DNAJC5G: variants seen among roughly 807,000 people sequenced by gnomAD.
DNAJC5G encodes DnaJ heat shock protein family (Hsp40) member C5 gamma, also known as dnaJ homolog subfamily C member 5G.
In DNAJC5G, 13 loss-of-function variants were observed where a neutral mutation model predicts 19.1. The ratio of observed to expected loss-of-function variants is 0.68; its 90% CI spans 0.44 to 1.08. DNAJC5G has a LOEUF of 1.08. Ranked by LOEUF, DNAJC5G falls within the 50% of genes least tolerant of loss-of-function variation. DNAJC5G has a pLI of 0.00. For missense variants in DNAJC5G, 245 were observed against 230.4 expected (o/e 1.06, Z -0.41); for synonymous variants, 81 against 84.4 (o/e 0.96, Z 0.22).
At chr2:27,278,083 G>C in intron 4 of DNAJC5G, 68 bp downstream of exon 4, 2 of 1,606,834 alleles carry the variant, frequency 1.2e-6, no homozygotes, top group South Asian at 1.1e-5. Context: ...TATGACAAAT[G>C]CTTCTGTTGT....
intron 3 of DNAJC5G, among the ~76,000 whole-genome samples, chr2:27,277,275 T>C (rs1678140285): frequency 7.4e-6 from 1 of 135,908 alleles, no homozygotes; most frequent in Non-Finnish European, 1.6e-5. Flanking sequence ...TGTTTGTTTG[T>C]TTGTTTTGAG....
chr2:27,279,931 A>G (rs1340172151), intron 5 of DNAJC5G, among the ~76,000 whole-genome samples: 3 of 151,716 alleles, frequency 2.0e-5, no homozygotes, highest in Admixed American at 6.6e-5. Flanking sequence ...TCAAAAAAGA[A>G]GAAGAAGAAG....
At chr2:27,278,703 A>G (rs1157106278) in intron 5 of DNAJC5G, among the ~76,000 whole-genome samples, 1 of 146,996 alleles carries the variant, frequency 6.8e-6, no homozygotes, top group African/African-American at 2.5e-5. Flanking sequence ...AAAAAAAAAA[A>G]AAAAAGAAAA....
chr2:27,279,656 A>C (rs1204281687), intron 5 of DNAJC5G, among the ~76,000 whole-genome samples: 1 of 151,896 alleles, frequency 6.6e-6, no homozygotes, highest in African/African-American at 2.4e-5. Context: ...TTGTGCCTGT[A>C]ATCCCAGCAC....
At chr2:27,279,763 A>T (rs974891393) in intron 5 of DNAJC5G, among the ~76,000 whole-genome samples, 1 of 151,916 alleles carries the variant, frequency 6.6e-6, no homozygotes, top group African/African-American at 2.4e-5. Context: ...AAAAAAAAAA[A>T]AATACAGAAG....
intron 2 of DNAJC5G, 66 bp from the exon 3 acceptor site, chr2:27,276,660 G>A (rs1678094477): frequency 1.4e-6 from 2 of 1,443,210 alleles, no homozygotes; most frequent in East Asian, 2.3e-5. Context: ...CCTGTCACTG[G>A]AAGTGCACTT....
At position 27,278,228 on chromosome 2, in the gene DNAJC5G, T is replaced by G. The variant is rs189933923; in HGVS notation, c.416T>G (p.Phe139Cys). Residue 139 changes from phenylalanine (F) to cysteine (C), a missense_variant, in exon 5 of 7, where the codon TTC (phenylalanine) becomes TGC (cysteine). Phe to Cys is a radical substitution (Grantham distance 205). Transcript: ENST00000296097. ...ILCTLLTCCCFCCCCCFCCGA... is the reference protein window; with the variant it reads ...ILCTLLTCCCCCCCCCFCCGA... ...TGTACTCTGCTCACTTGTTGCTGTT[T>G]CTGTTGTTGCTGCTGTTTTTGCTGT... is the stretch of plus-strand genomic sequence containing the variant. 3 of 1,614,210 alleles carry G rather than the reference T, an allele frequency of 1.9e-6. No homozygotes were observed. The highest frequency in any genetic ancestry group is 4.5e-5 in the East Asian group (2 of 44,890).
At chr2:27,280,304 T>C in intron 6 of DNAJC5G, 71 bp downstream of exon 6, 2 of 1,304,994 alleles carry the variant, frequency 1.5e-6, no homozygotes, top group Non-Finnish European at 2.2e-6. Flanking sequence ...GATGAGTCAT[T>C]AGTAGAAAGT....
intron 1 of DNAJC5G, 128 bp downstream of exon 1, chr2:27,275,681 G>C (rs1677998826): frequency 1.2e-5 from 2 of 164,876 alleles, no homozygotes; most frequent in African/African-American, 2.4e-5. Context: ...CTGCTCTCTG[G>C]GGTTCCGCTG....
rs1558576132 is a variant in DNAJC5G at position 27,278,191 on chromosome 2, C to G, written c.379C>G (p.Leu127Val). The G allele has an allele frequency of 6.2e-7, 1 of 1,614,052 alleles. No individual in the cohort carries two copies. The highest frequency in any genetic ancestry group is 8.5e-7 in the Non-Finnish European group (1 of 1,180,048). ...FILNSCWFKT[L>V]VILCTLLTCC... ...GCCATTCTCGCCTACCTTTTAGACA[C>G]TTGTCATCCTGTGTACTCTGCTCAC... Residue 127 changes from leucine (L) to valine (V), a missense_variant, in exon 5 of 7, where the codon CTT (leucine) becomes GTT (valine). Physicochemically the swap from Leu to Val is conservative, Grantham distance 32. Coordinates refer to ENST00000296097, the MANE Select transcript of DNAJC5G (RefSeq NM_173650.3).
Position 27,280,124 on chromosome 2 carries a change from TA to T in DNAJC5G, c.521-39del, listed in dbSNP as rs1558577805. The stretch of plus-strand genomic sequence containing the variant: ...TCATCAGTACACTACGAAAAGTTAC[TA>T]AACGTTTGTATATGTAAACATATAT... On this transcript the variant is annotated intron_variant, in intron 5 of 6. Transcript: ENST00000296097. 1.9e-6 allele frequency: 3 copies of T among 1,594,692 alleles called. No homozygotes were observed. In the South Asian group the frequency reaches 3.3e-5, roughly 18 times the overall value.
At chr2:27,276,633 C>G in intron 2 of DNAJC5G, 93 bp from the exon 3 acceptor site, 1 of 1,087,208 alleles carries the variant, frequency 9.2e-7, no homozygotes, top group Middle Eastern at 2.9e-4. Context: ...TGCCTAATCC[C>G]TGAAGGTAGT....
intron 5 of DNAJC5G, among the ~76,000 whole-genome samples, chr2:27,279,099 C>A (rs1346376412): frequency 6.6e-6 from 1 of 151,296 alleles, no homozygotes; most frequent in African/African-American, 2.4e-5. Flanking sequence ...AATTTCAAGT[C>A]TTCAAGTCTG....
chr2:27,280,104 A>G (rs990901430), intron 5 of DNAJC5G, 62 bp from the exon 6 acceptor site: 24 of 1,522,604 alleles, frequency 1.6e-5, no homozygotes, highest in African/African-American at 2.7e-5. Flanking sequence ...TTTTCTCATC[A>G]GTACACTACG....
rs773838662 is a variant in DNAJC5G, at chr2:27,280,209, T to TAA, written c.564_565insAA (p.Phe189AsnfsTer5). ...GAAGCGAGGAAAATAGCGAAGATGA[T>TAA]TTTTAAGAGATGAAGAAGGATGAGG... On this transcript the variant is annotated frameshift_variant, in exon 6 of 7. Coordinates refer to ENST00000296097, the MANE Select transcript of DNAJC5G (RefSeq NM_173650.3). LOFTEE classifies it high-confidence loss of function. 1.2e-6 allele frequency: 2 copies of TAA among 1,614,022 alleles called. No individual in the cohort carries two copies. Among genetic ancestry groups the TAA allele is most frequent in the Non-Finnish European group, 1.7e-6 (2 of 1,179,948 alleles).
rs189656420 is a variant in DNAJC5G at position 27,278,451 on chromosome 2, C to T, written c.520+119C>T. ...ATCCCAGCACTTTGGGAGGGTGAGG[C>T]GGGTGGATCACTTGAGGTCAGGAGT... On this transcript the variant is annotated intron_variant, in intron 5 of 6. Coordinates refer to ENST00000296097, the MANE Select transcript of DNAJC5G (RefSeq NM_173650.3). 364 of 1,421,832 alleles carry T rather than the reference C, an allele frequency of 2.6e-4. 1 individual carries two copies. The East Asian group carries it at 6.3e-3, about 24-fold the overall frequency. The allele number at this position is 1,421,832 out of a possible 1,614,324, so 88.1% of individuals were successfully genotyped here.
At chr2:27,280,368 C>A in intron 6 of DNAJC5G, 61 bp from the exon 7 acceptor site, 1 of 756,168 alleles carries the variant, frequency 1.3e-6, no homozygotes, top group Non-Finnish European at 2.2e-6. Flanking sequence ...TAGGGGTTTG[C>A]TTTAAGTTCT....
At position 27,278,026 on chromosome 2, in the gene DNAJC5G, C is replaced by T. The variant is rs764886826; in HGVS notation, c.375+11C>T. 2.2e-5 allele frequency: 36 copies of T among 1,612,194 alleles called. No individual in the cohort carries two copies. The South Asian group carries it at 3.6e-4, about 16-fold the overall frequency. ...AGTTGTTGGTTCAAGGTACACAATT[C>T]TCCAGGTCCTTTAAGAATAAGGAAA... On this transcript the variant is annotated intron_variant, in intron 4 of 6. Coordinates refer to ENST00000296097, the MANE Select transcript of DNAJC5G (RefSeq NM_173650.3).
intron 3 of DNAJC5G, among the ~76,000 whole-genome samples, chr2:27,277,526 C>T (rs535027017): frequency 5.9e-5 from 9 of 152,068 alleles, no homozygotes; most frequent in African/African-American, 1.7e-4. Context: ...CCTCCCAAAG[C>T]GCTGGGATTA....
Sources: allele counts gnomAD v4.1 joint callset (sites outside exome capture counted in the v4.1 genomes callset), GRCh38; gene constraint gnomAD v4.1.1; transcripts MANE v1.5; gene names NCBI Gene and HGNC (gene_info 2026-07-23, HGNC 2026-07-21).